Variants in SHC4 observed in about 807,000 individuals in gnomAD.
SHC4 encodes the protein SHC-transforming protein 4.
Under a neutral mutation model 69.4 loss-of-function variants are expected in SHC4, and 41 were observed. The ratio of observed to expected loss-of-function variants is 0.59; its 90% confidence interval spans 0.46 to 0.77. SHC4 has a LOEUF of 0.77. Among genes scored for constraint, SHC4 ranks in the 30% least tolerant of loss-of-function variants. The pLI is 0.00. For missense variants in SHC4, 777 were observed against 783.8 expected, an observed-to-expected ratio of 0.99 and a Z score of 0.10; for synonymous variants, 318 against 299.3, an observed-to-expected ratio of 1.06 and a Z score of -0.64.
chr15:48,863,683 C>T (rs761876382), intron 6 of SHC4, among the ~76,000 whole-genome samples: 6 of 152,154 alleles, frequency 3.9e-5, no homozygotes, highest in Non-Finnish European at 8.8e-5. Flanking sequence ...ATAACTACTA[C>T]TCGAAACCAC....
intron 1 of SHC4, among the ~76,000 whole-genome samples, chr15:48,926,808 T>C (rs1173125645): frequency 1.3e-5 from 2 of 152,168 alleles, no homozygotes; most frequent in Non-Finnish European, 2.9e-5. Flanking sequence ...AACTCCTTGA[T>C]GCACCGAGTG....
chr15:48,888,484 G>GT (rs1319923970), intron 3 of SHC4, among the ~76,000 whole-genome samples: 1 of 152,160 alleles, frequency 6.6e-6, no homozygotes. Context: ...GGGAGTTCTT[G>GT]TTTAATGTGT....
chr15:48,898,604 T>C (rs1201501821), intron 2 of SHC4, among the ~76,000 whole-genome samples: 3 of 152,374 alleles, frequency 2.0e-5, no homozygotes, highest in Admixed American at 2.0e-4. Flanking sequence ...ACTTCGTGAT[T>C]CTGCCCTTTG....
intron 1 of SHC4, among the ~76,000 whole-genome samples, chr15:48,953,700 A>C (rs531425987): frequency 3.0e-4 from 46 of 152,292 alleles, no homozygotes; most frequent in Non-Finnish European, 4.3e-4. Context: ...AAAATCTCAT[A>C]TTTCCATTTC....
At chr15:48,897,337 C>T (rs1196980178) in intron 2 of SHC4, among the ~76,000 whole-genome samples, 1 of 152,160 alleles carries the variant, frequency 6.6e-6, no homozygotes, top group Admixed American at 6.5e-5. Context: ...TAAAACCCTG[C>T]CTACGCCATA....
chr15:48,960,332 G>A (rs960073886), intron 1 of SHC4, among the ~76,000 whole-genome samples: 1 of 152,218 alleles, frequency 6.6e-6, no homozygotes, highest in Non-Finnish European at 1.5e-5. Flanking sequence ...TAGAGGATGT[G>A]TAGGTGATGG....
intron 9 of SHC4, among the ~76,000 whole-genome samples, chr15:48,849,407 C>A (rs1162735625): frequency 6.6e-6 from 1 of 152,142 alleles, no homozygotes; most frequent in Non-Finnish European, 1.5e-5. Flanking sequence ...CCTATAACAT[C>A]TTGGGCTTTG....
At position 48,867,839 on chromosome 15, in the gene SHC4, T is replaced by C; in HGVS notation, c.925A>G (p.Lys309Glu). The C allele has an allele frequency of 6.2e-7, 1 of 1,613,706 alleles. No homozygotes were observed. The highest frequency in any genetic ancestry group is 8.5e-7 in the Non-Finnish European group (1 of 1,179,748). ...DTTDYVAYVA[K>E]DPVNQRACHI... The stretch of plus-strand genomic sequence containing the variant: ...ATACCTCGTTGATTAACTGGATCTT[T>C]AGCTACGTAGGCAACATAGTCTGTA... Residue 309 changes from lysine (K) to glutamate (E), a missense_variant, in exon 6 of 12, where the codon AAA becomes GAA. Lys to Glu is a moderately conservative substitution (Grantham distance 56). Transcript: ENST00000332408.
chr15:48,952,659 A>G (rs959503913), intron 1 of SHC4, among the ~76,000 whole-genome samples: 3 of 152,248 alleles, frequency 2.0e-5, no homozygotes, highest in African/African-American at 7.2e-5. Flanking sequence ...CCATGTGGCC[A>G]ACTATCACAT....
In SHC4 at chr15:48,945,806, C is replaced by T. The variant is rs756368033; in HGVS notation, c.585+16625G>A. On this transcript the variant is annotated intron_variant, in intron 1 of 11. Coordinates refer to ENST00000332408, the MANE Select transcript of SHC4 (RefSeq NM_203349.4). ...GACAATGGTGATGGTTGCACAATTT[C>T]GTGACTATATGAAAAACAATTGAAT... 3.9e-5 allele frequency: 6 copies of T among 152,052 alleles called. No individual in the cohort carries two copies. The East Asian group carries it at 5.8e-4, about 15-fold the overall frequency. 9.4% of individuals were successfully genotyped at this position (152,052 alleles called of 1,614,324 possible).
chr15:48,920,522 G>T (rs1595757903), intron 2 of SHC4, among the ~76,000 whole-genome samples: 1 of 151,862 alleles, frequency 6.6e-6, no homozygotes, highest in South Asian at 2.1e-4. Context: ...TATTCTGCCT[G>T]CCTCAGCCTC....
chr15:48,851,375 C>G, intron 8 of SHC4, 127 bp from the exon 9 acceptor site: 2 of 870,252 alleles, frequency 2.3e-6, no homozygotes, highest in Admixed American at 2.3e-5. Flanking sequence ...AAATGTTTGA[C>G]AGGTAAGAAA....
In SHC4 at chr15:48,926,401, AGATGTCAG is replaced by A. The variant is rs1400310409; in HGVS notation, c.586-1460_586-1453del. Reference sequence around the variant, plus strand: ...TGGGAATGGCAAAAACACTGTCAAAAGATGTCAGGAGCTGGTGGGGAGGGGCACCTACC... The same window carrying A: ...TGGGAATGGCAAAAACACTGTCAAAAGAGCTGGTGGGGAGGGGCACCTACC... On this transcript the variant is annotated intron_variant, in intron 1 of 11. Coordinates refer to ENST00000332408, the MANE Select transcript of SHC4 (RefSeq NM_203349.4). Among the ~76,000 whole-genome samples, 7 of 151,996 alleles carry A rather than the reference AGATGTCAG, an allele frequency of 4.6e-5. No homozygotes were observed. In the South Asian group the frequency reaches 1.5e-3, roughly 32 times the overall value.
intron 2 of SHC4, among the ~76,000 whole-genome samples, chr15:48,913,185 T>C (rs1421507799): frequency 6.7e-6 from 1 of 149,598 alleles, no homozygotes; most frequent in African/African-American, 2.5e-5. Context: ...TGTCTTCTGC[T>C]ACCAGGGTGG....
In SHC4 at chr15:48,839,378, G is replaced by A. The variant is rs997562491; in HGVS notation, c.1483+4031C>T. Among the ~76,000 whole-genome samples the A allele has an allele frequency of 6.6e-5, 10 of 152,186 alleles. 1 individual carries two copies. The highest frequency in any genetic ancestry group is 3.9e-4 in the Admixed American group (6 of 15,272). ...CAGTGGGAAATAGCCTGTAAAAGTG[G>A]CGAAGCCCCCAAGAAAGGCACTTTC... On this transcript the variant is annotated intron_variant, in intron 10 of 11. Coordinates refer to ENST00000332408, the MANE Select transcript of SHC4 (RefSeq NM_203349.4).
intron 1 of SHC4, 33 bp from the exon 2 acceptor site, chr15:48,924,982 A>C: frequency 6.2e-7 from 1 of 1,611,010 alleles, no homozygotes; most frequent in Middle Eastern, 1.7e-4. Context: ...AAGAAGTAGG[A>C]CAAAAATTCC....
chr15:48,924,740 C>G, intron 2 of SHC4, 139 bp downstream of exon 2: 2 of 792,556 alleles, frequency 2.5e-6, no homozygotes, highest in Non-Finnish European at 4.2e-6. Flanking sequence ...TTGAAGGTCA[C>G]TGGGCGAGCC....
intron 6 of SHC4, among the ~76,000 whole-genome samples, chr15:48,863,498 T>A (rs1330410603): frequency 1.3e-5 from 2 of 152,134 alleles, no homozygotes; most frequent in African/African-American, 4.8e-5. Context: ...TCTTATGATA[T>A]AAATAATATA....
At chr15:48,844,372 CT>C in intron 9 of SHC4, among the ~76,000 whole-genome samples, 1 of 152,292 alleles carries the variant, frequency 6.6e-6, no homozygotes, top group Non-Finnish European at 1.5e-5. Context: ...AGCTGTAGGC[CT>C]TGCTCTGTCT....
Sources: gnomAD v4.1 joint callset for allele counts (sites outside exome capture counted in the v4.1 genomes callset) on GRCh38, gnomAD v4.1.1 for gene constraint, MANE v1.5 for transcripts, NCBI Gene and HGNC (gene_info 2026-07-23, HGNC 2026-07-21) for gene names.